Variants in NR1H3 observed in about 807,000 individuals in gnomAD.
NR1H3 encodes oxysterols receptor LXR-alpha.
A neutral mutation model predicts 48.1 loss-of-function variants in NR1H3; 19 were observed. The ratio of observed to expected loss-of-function variants is 0.40; its 90% confidence interval spans 0.28 to 0.58. NR1H3 has a LOEUF of 0.58. NR1H3 is among the 20% of genes least tolerant of loss of function. The pLI is 0.50. For synonymous variants in NR1H3, 232 were observed against 227.3 expected, an observed-to-expected ratio of 1.02 and a Z score of -0.19; for missense variants, 486 against 595.9, an observed-to-expected ratio of 0.82 and a Z score of 1.92.
chr11:47,254,939 C>G (rs1359262685), upstream of NR1H3, among the ~76,000 whole-genome samples: 2 of 152,222 alleles, frequency 1.3e-5, no homozygotes, highest in African/African-American at 4.8e-5. Flanking sequence ...GCTGCTTGCC[C>G]TGGCCCCCGT....
chr11:47,263,296 G>A (rs1439544964), intron 7 of NR1H3, among the ~76,000 whole-genome samples: 1 of 137,472 alleles, frequency 7.3e-6, no homozygotes, highest in African/African-American at 2.7e-5. Context: ...ATAAGTTCTT[G>A]CTCTGTCACG....
At chr11:47,257,753 A>T (rs1228945817), upstream of NR1H3, 1 of 975,900 alleles carries the variant, frequency 1.0e-6, no homozygotes, top group Admixed American at 6.3e-5. Flanking sequence ...GAGGAAGGGG[A>T]GAGACATGGA....
chr11:47,253,061 C>T (rs1205102252), upstream of NR1H3, among the ~76,000 whole-genome samples: 1 of 148,526 alleles, frequency 6.7e-6, no homozygotes, highest in African/African-American at 2.5e-5. Context: ...TGGGCTCCAA[C>T]AGTCCTCCTA....
chr11:47,256,614 C>G (rs569760142), upstream of NR1H3, among the ~76,000 whole-genome samples: 126 of 145,600 alleles, frequency 8.7e-4, no homozygotes, highest in African/African-American at 3.2e-3. Context: ...GAGTGTGAAG[C>G]CAGCCTGGGC....
Position 47,259,923 on chromosome 11 carries a change from A to C in NR1H3, c.176A>C (p.Glu59Ala). The C allele has an allele frequency of 1.9e-6, 3 of 1,606,332 alleles. No homozygotes were observed. Among genetic ancestry groups the C allele is most frequent in the Non-Finnish European group, 2.6e-6 (3 of 1,176,458 alleles). Residue 59 changes from glutamate (E) to alanine (A), a missense_variant, in exon 3 of 10, where the codon GAG (glutamate) becomes GCG (alanine). Coordinates refer to ENST00000441012, the MANE Select transcript of NR1H3 (RefSeq NM_005693.4). ...GGGGGTACTGCAGGGGTGGGGCTGG[A>C]GGCTGCAGAGCCCACAGCCCTGCTC... ...SAGGTAGVGL[E>A]AAEPTALLTR... is the part of the protein sequence containing the mutation.
upstream of NR1H3, among the ~76,000 whole-genome samples, chr11:47,254,605 G>A (rs1028014297): frequency 1.3e-5 from 2 of 152,124 alleles, no homozygotes; most frequent in African/African-American, 2.4e-5. Flanking sequence ...CTTGTGATGA[G>A]GGGGAACAAA....
At chr11:47,267,331 AATT>A (rs1225913116) in intron 7 of NR1H3, among the ~76,000 whole-genome samples, 4 of 152,018 alleles carry the variant, frequency 2.6e-5, no homozygotes, top group Non-Finnish European at 5.9e-5. Context: ...AGAATACCAG[AATT>A]ATTATTTAAT....
chr11:47,268,835 A>G lies in NR1H3; in HGVS notation c.*139A>G. 8.9e-7 allele frequency: 1 copy of G among 1,120,380 alleles called. No homozygotes were observed. Among genetic ancestry groups the G allele is most frequent in the Non-Finnish European group, 1.3e-6 (1 of 795,172 alleles). The allele number at this position is 1,120,380 out of a possible 1,614,324, so 69.4% of individuals were successfully genotyped here. A position where few individuals can be genotyped will look rare whatever the true frequency, so the allele number is the denominator to read the frequency against. On this transcript the variant is annotated 3_prime_UTR_variant, in exon 10 of 10. Coordinates refer to ENST00000441012, the MANE Select transcript of NR1H3 (RefSeq NM_005693.4). ...AGATCCTCCCGTGGCATTAAAAGAG[A>G]GTCAAAGGGTTGCGAGTTTTGTGGC...
upstream of NR1H3, among the ~76,000 whole-genome samples, chr11:47,256,863 T>C (rs945679463): frequency 6.6e-6 from 1 of 151,386 alleles, no homozygotes; most frequent in Non-Finnish European, 1.5e-5. Context: ...CCCGAGTAGC[T>C]GGAACTACAG....
At chr11:47,258,892 C>G in intron 1 of NR1H3, 1 of 337,800 alleles carries the variant, frequency 3.0e-6, no homozygotes, top group Non-Finnish European at 5.5e-6. Context: ...AGCCTTATAA[C>G]AGGCTGGGCG....
intron 7 of NR1H3, among the ~76,000 whole-genome samples, chr11:47,264,877 G>A (rs1001704003): frequency 2.0e-5 from 3 of 152,198 alleles, no homozygotes; most frequent in African/African-American, 2.4e-5. Flanking sequence ...TGTTCATTCC[G>A]TGGGCATCAG....
upstream of NR1H3, among the ~76,000 whole-genome samples, chr11:47,254,173 C>T (rs1954887125): frequency 6.6e-6 from 1 of 152,172 alleles, no homozygotes; most frequent in African/African-American, 2.4e-5. Flanking sequence ...CAAGATGGGG[C>T]TCGTATGTGG....
chr11:47,259,265 C>G lies in NR1H3; in HGVS notation c.43+6C>G. On this transcript the variant is annotated splice_donor_region_variant and intron_variant, in intron 2 of 9. Transcript: ENST00000441012. ...TGTGCCTGACATTCCTCCTGGTAAGCTTCATTCCATCCCTCTCCCCTGAGC... is the reference window on the plus strand; with the variant it reads ...TGTGCCTGACATTCCTCCTGGTAAGGTTCATTCCATCCCTCTCCCCTGAGC... 1 of 1,614,174 alleles carries G rather than the reference C, an allele frequency of 6.2e-7. No individual in the cohort carries two copies.
At chr11:47,253,773 G>A (rs987335955), upstream of NR1H3, among the ~76,000 whole-genome samples, 6 of 152,178 alleles carry the variant, frequency 3.9e-5, no homozygotes, top group East Asian at 5.8e-4. Flanking sequence ...GTAGATCCCC[G>A]AGTGTGTTCC....
intron 1 of NR1H3, 131 bp from the exon 2 acceptor site, chr11:47,259,049 G>A (rs947034585): frequency 2.0e-6 from 3 of 1,488,034 alleles, no homozygotes; most frequent in Non-Finnish European, 2.7e-6. Context: ...CCTTAGTACA[G>A]GCTAATATAT....
chr11:47,256,770 A>G (rs1292601200), upstream of NR1H3, among the ~76,000 whole-genome samples: 2 of 144,338 alleles, frequency 1.4e-5, no homozygotes, highest in Non-Finnish European at 3.0e-5. Context: ...TCGCTCTGTC[A>G]CTCAGGCAGG....
At chr11:47,248,813 A>G (rs2135550033), upstream of NR1H3, 1 of 1,567,084 alleles carries the variant, frequency 6.4e-7, no homozygotes. Context: ...TATGCAGCAA[A>G]CAAGCTGGAA....
At chr11:47,248,892 G>A (rs1366148884), upstream of NR1H3, 5 of 1,547,390 alleles carry the variant, frequency 3.2e-6, no homozygotes, top group Non-Finnish European at 4.4e-6. Flanking sequence ...AAGTGCGTTC[G>A]CCGCCATCTT....
upstream of NR1H3, chr11:47,248,883 A>C (rs1021744481): frequency 5.2e-6 from 8 of 1,548,694 alleles, no homozygotes; most frequent in Non-Finnish European, 7.0e-6. Flanking sequence ...ACACGCCGGA[A>C]GTGCGTTCGC....
Sources: gnomAD v4.1 joint callset for allele counts (sites outside exome capture counted in the v4.1 genomes callset) on GRCh38, gnomAD v4.1.1 for gene constraint, MANE v1.5 for transcripts, NCBI Gene and HGNC (gene_info 2026-07-23, HGNC 2026-07-21) for gene names.